Variants in BMP6 observed in about 807,000 individuals in gnomAD.
The protein encoded by BMP6 is VG-1-R.
In BMP6, 17 loss-of-function variants were observed where a neutral mutation model predicts 54.1. The observed-to-expected ratio is 0.31, with a 90% CI of 0.22 to 0.47. The LOEUF is 0.47. Ranked by LOEUF, BMP6 falls within the 20% of genes least tolerant of loss-of-function variation. BMP6 has a pLI of 1.00. For synonymous variants in BMP6, 328 were observed against 291.2 expected (o/e 1.13, Z -1.28); for missense variants, 720 against 690.4 (o/e 1.04, Z -0.48).
intron 1 of BMP6, among the ~76,000 whole-genome samples, chr6:7,751,165 A>T (rs949312545): frequency 1.3e-5 from 2 of 152,242 alleles, no homozygotes; most frequent in Admixed American, 1.3e-4. Flanking sequence ...TGAACGTTTT[A>T]CTAAGAGTAC....
chr6:7,785,532 AAG>A (rs1311324801), intron 1 of BMP6, among the ~76,000 whole-genome samples: 3 of 152,166 alleles, frequency 2.0e-5, no homozygotes, highest in African/African-American at 7.2e-5. Context: ...ATAGTAGGAG[AAG>A]GAGGCACTTT....
intron 1 of BMP6, among the ~76,000 whole-genome samples, chr6:7,825,860 CCTGT>C (rs1758689562): frequency 6.6e-6 from 1 of 152,190 alleles, no homozygotes; most frequent in South Asian, 2.1e-4. Context: ...CAAAAGGCAG[CCTGT>C]CTGACAGAAT....
chr6:7,787,552 G>T (rs1030088073), intron 1 of BMP6, among the ~76,000 whole-genome samples: 22 of 152,206 alleles, frequency 1.4e-4, no homozygotes, highest in African/African-American at 5.1e-4. Context: ...CTCACTCAGA[G>T]CAGGGATCTA....
chr6:7,776,765 G>T (rs899876675), intron 1 of BMP6, among the ~76,000 whole-genome samples: 1 of 152,118 alleles, frequency 6.6e-6, no homozygotes, highest in Non-Finnish European at 1.5e-5. Flanking sequence ...ATTTTCCCAC[G>T]TCAGTGCCCC....
chr6:7,844,455 A>G (rs1400485190), intron 1 of BMP6, among the ~76,000 whole-genome samples: 1 of 151,750 alleles, frequency 6.6e-6, no homozygotes, highest in East Asian at 1.9e-4. Context: ...TGGGGGTTCC[A>G]GCAACTTCCC....
chr6:7,790,719 C>T (rs1209972758), intron 1 of BMP6, among the ~76,000 whole-genome samples: 1 of 152,034 alleles, frequency 6.6e-6, no homozygotes, highest in Non-Finnish European at 1.5e-5. Flanking sequence ...GTCCTTGAGG[C>T]TTTTGTAGTA....
chr6:7,852,541 C>T (rs143182971), intron 2 of BMP6, among the ~76,000 whole-genome samples: 42 of 152,268 alleles, frequency 2.8e-4, no homozygotes, highest in African/African-American at 9.1e-4. Flanking sequence ...TGCACCACTG[C>T]GCTCTATGCT....
chr6:7,814,465 CT>C (rs1308417172), intron 1 of BMP6, among the ~76,000 whole-genome samples: 5 of 152,178 alleles, frequency 3.3e-5, no homozygotes, highest in Admixed American at 3.3e-4. Context: ...TGTTTGCAGA[CT>C]TTTGCTGTTC....
chr6:7,843,247 A>C (rs1759004953), intron 1 of BMP6, among the ~76,000 whole-genome samples: 2 of 151,368 alleles, frequency 1.3e-5, no homozygotes, highest in Admixed American at 1.3e-4. Flanking sequence ...GCCAAAGCTT[A>C]TTCTTTTTTA....
chr6:7,764,959 A>G (rs146805680), intron 1 of BMP6, among the ~76,000 whole-genome samples: 4 of 152,274 alleles, frequency 2.6e-5, no homozygotes, highest in African/African-American at 9.6e-5. Flanking sequence ...TATATAATAG[A>G]CATTTTCATA....
At chr6:7,739,901 C>T (rs9502645) in intron 1 of BMP6, among the ~76,000 whole-genome samples, 1,901 of 152,244 alleles carry the variant, frequency 0.012, 36 homozygotes, top group African/African-American at 0.042. Context: ...AAATCCTCTC[C>T]TTAGTTTCTA....
chr6:7,776,678 T>C (rs1204196366), intron 1 of BMP6, among the ~76,000 whole-genome samples: 2 of 152,190 alleles, frequency 1.3e-5, no homozygotes, highest in Non-Finnish European at 2.9e-5. Flanking sequence ...AGAGACAGGG[T>C]CTTGCTCTAT....
intron 1 of BMP6, among the ~76,000 whole-genome samples, chr6:7,755,611 C>T (rs1757502761): frequency 6.6e-6 from 1 of 151,906 alleles, no homozygotes; most frequent in African/African-American, 2.4e-5. Flanking sequence ...TTACGTATAC[C>T]CACCTATTTA....
At chr6:7,739,014 A>T (rs761069505) in intron 1 of BMP6, among the ~76,000 whole-genome samples, 15 of 152,294 alleles carry the variant, frequency 9.8e-5, no homozygotes, top group Non-Finnish European at 2.2e-4. Context: ...TCAGAGAACC[A>T]TGGGGTCAAA....
chr6:7,850,723 C>T (rs1423511616), intron 2 of BMP6, among the ~76,000 whole-genome samples: 1 of 152,074 alleles, frequency 6.6e-6, no homozygotes, highest in Non-Finnish European at 1.5e-5. Flanking sequence ...GGTATGAGTA[C>T]CCGAGACGAT....
intron 1 of BMP6, among the ~76,000 whole-genome samples, chr6:7,766,621 AAAAAT>A (rs1429539065): frequency 3.3e-5 from 5 of 152,230 alleles, no homozygotes; most frequent in Non-Finnish European, 7.3e-5. Context: ...TTGTCTCATA[AAAAAT>A]AAAATAAATA....
chr6:7,846,814 C>T (rs1356438795), intron 2 of BMP6, among the ~76,000 whole-genome samples: 1 of 152,196 alleles, frequency 6.6e-6, no homozygotes, highest in African/African-American at 2.4e-5. Context: ...TTGGTATTCA[C>T]TGACTCTTTG....
intron 1 of BMP6, among the ~76,000 whole-genome samples, chr6:7,811,445 AGTTGCTATGTCCGCCTTTCGACTG>A (rs1758434645): frequency 6.6e-6 from 1 of 152,166 alleles, no homozygotes; most frequent in Non-Finnish European, 1.5e-5. Flanking sequence ...CTGGCATGGT[AGTTGCTATGTCCGCCTTTCGACTG>A]GTTGCTATGG....
chr6:7,813,108 A>AAAAATATATATATATAT (rs1554122651), intron 1 of BMP6, among the ~76,000 whole-genome samples: 1 of 21,496 alleles, frequency 4.7e-5, no homozygotes, highest in Admixed American at 1.1e-3. Context: ...AAAAAAAAAA[A>AAAAATATATATATATAT]ATATATATAT....
Sources: allele counts gnomAD v4.1 joint callset (sites outside exome capture counted in the v4.1 genomes callset), GRCh38; gene constraint gnomAD v4.1.1; transcripts MANE v1.5; gene names NCBI Gene and HGNC (gene_info 2026-07-23, HGNC 2026-07-21).